SLC2A2: variants seen among roughly 807,000 people sequenced by gnomAD.
The protein encoded by SLC2A2 is solute carrier family 2, facilitated glucose transporter member 2.
A neutral mutation model predicts 54.5 loss-of-function variants in SLC2A2; 36 were observed. The observed-to-expected ratio is 0.66, with a 90% CI of 0.51 to 0.87. The LOEUF is 0.87. Among genes scored for constraint, SLC2A2 ranks in the 40% least tolerant of loss-of-function variants. The probability of loss-of-function intolerance (pLI) is 0.00; values close to 1 mark genes in which losing one functional copy is unlikely to be tolerated. For missense variants in SLC2A2, 543 were observed against 624.3 expected, an observed-to-expected ratio of 0.87 and a Z score of 1.39; for synonymous variants, 223 against 219.1, an observed-to-expected ratio of 1.02 and a Z score of -0.16.
chr3:171,001,041 A>G (rs763442098), intron 8 of SLC2A2, among the ~76,000 whole-genome samples: 1 of 152,098 alleles, frequency 6.6e-6, no homozygotes. Context: ...AAACTTAAAC[A>G]GAATCAAAGG....
At chr3:171,021,040 A>G (rs772818167) in intron 1 of SLC2A2, among the ~76,000 whole-genome samples, 3 of 152,072 alleles carry the variant, frequency 2.0e-5, no homozygotes, top group Non-Finnish European at 4.4e-5. Flanking sequence ...TACACACACT[A>G]TATGATATAT....
chr3:171,003,240 T>C (rs1470642777), intron 7 of SLC2A2, among the ~76,000 whole-genome samples: 1 of 152,006 alleles, frequency 6.6e-6, no homozygotes, highest in East Asian at 1.9e-4. Flanking sequence ...GTGAGAATCA[T>C]CCTTATTGTG....
intron 4 of SLC2A2, 34 bp downstream of exon 4, chr3:171,009,924 T>TGTGC (rs1442588998): frequency 6.5e-6 from 10 of 1,544,250 alleles, no homozygotes; most frequent in Non-Finnish European, 8.8e-6. Context: ...TGTGTGTGTG[T>TGTGC]GTGTGTGTGT....
At chr3:171,010,338 GAGACAGGGTCTC>G (rs1715826527) in intron 3 of SLC2A2, among the ~76,000 whole-genome samples, 1 of 151,936 alleles carries the variant, frequency 6.6e-6, no homozygotes, top group Non-Finnish European at 1.5e-5. Context: ...ATTTTATTTT[GAGACAGGGTCTC>G]ACTCGCTCTG....
At chr3:170,999,934 T>A (rs1185577383) in intron 8 of SLC2A2, among the ~76,000 whole-genome samples, 1 of 152,006 alleles carries the variant, frequency 6.6e-6, no homozygotes, top group African/African-American at 2.4e-5. Flanking sequence ...AAGACCAGAG[T>A]TTGTTATACT....
intron 1 of SLC2A2, among the ~76,000 whole-genome samples, chr3:171,020,784 T>G (rs980855430): frequency 3.3e-5 from 5 of 152,008 alleles, no homozygotes; most frequent in South Asian, 2.1e-4. Flanking sequence ...CTCAGGAGGC[T>G]GAGGTGGGAG....
intron 3 of SLC2A2, among the ~76,000 whole-genome samples, 178 bp downstream of exon 3, chr3:171,014,291 G>C (rs1196310130): frequency 6.6e-6 from 1 of 152,158 alleles, no homozygotes; most frequent in Non-Finnish European, 1.5e-5. Flanking sequence ...TAACCAAACT[G>C]TCGCAACAGC....
Position 171,005,492 on chromosome 3 carries a change from G to T in SLC2A2, c.776-20C>A. 1 of 1,602,424 alleles carries T rather than the reference G, an allele frequency of 6.2e-7. No homozygotes were observed. Among genetic ancestry groups the T allele is most frequent in the South Asian group, 1.1e-5 (1 of 90,806 alleles). ...TCAAGCCTGTCCAAGAAAATGATCA[G>T]GTTGAAACAACTCAGGCCAAAACAA... On this transcript the variant is annotated intron_variant, in intron 6 of 10. Coordinates refer to ENST00000314251, the MANE Select transcript of SLC2A2 (RefSeq NM_000340.2).
intron 8 of SLC2A2, among the ~76,000 whole-genome samples, chr3:170,999,958 T>G (rs1715270494): frequency 6.6e-6 from 1 of 152,038 alleles, no homozygotes; most frequent in Non-Finnish European, 1.5e-5. Context: ...GCCTGATCCT[T>G]GGAATATTAC....
In SLC2A2 at chr3:171,005,382, A is replaced by C. The variant is rs780873643; in HGVS notation, c.866T>G (p.Val289Gly). ...EREEASSEQK[V>G]SIIQLFTNSS... ...ATTGGTGAAGAGCTGAATTATAGAG[A>C]CTTTCTGCTCACTCGATGCTTCTTC... The change falls in exon 7 of 11, where the codon GTC becomes GGC. Residue 289 changes from valine (V) to glycine (G), a missense_variant. Around this residue, in one of 3 missense-constraint regions of SLC2A2, gnomAD observed 318 missense variants for 343.8 expected, o/e 0.93. Transcript: ENST00000314251. 37 of 1,612,182 alleles carry C rather than the reference A, an allele frequency of 2.3e-5. No homozygotes were observed. Among genetic ancestry groups the C allele is most frequent in the Non-Finnish European group, 2.9e-5 (34 of 1,178,746 alleles).
intron 1 of SLC2A2, among the ~76,000 whole-genome samples, chr3:171,022,641 T>A (rs1488485422): frequency 6.6e-6 from 1 of 152,220 alleles, no homozygotes; most frequent in Non-Finnish European, 1.5e-5. Flanking sequence ...GGTTTATTAG[T>A]GACTGTCACC....
At position 171,007,167 on chromosome 3, in the gene SLC2A2, G is replaced by C. The variant is rs149460434; in HGVS notation, c.593C>G (p.Thr198Arg). 6.2e-7 allele frequency: 1 copy of C among 1,610,982 alleles called. No homozygotes were observed. Among genetic ancestry groups the C allele is most frequent in the Non-Finnish European group, 8.5e-7 (1 of 1,177,588 alleles). The change falls in exon 5 of 11, where the codon ACG becomes AGG. Residue 198 changes from threonine (T) to arginine (R), a missense_variant. Physicochemically the swap from Thr to Arg is moderately conservative, Grantham distance 71. This residue lies in a region of SLC2A2 where 318 missense variants were observed against 343.8 expected (regional missense o/e 0.93). Transcript: ENST00000314251. ...LGTFHQLAIV[T>R]GILISQIIGL... ...TTTTACCTGACTAATAAGAATGCCC[G>C]TGACGATGGCCAGCTGATGAAAAGT...
At chr3:171,015,222 A>G (rs766565904) in intron 2 of SLC2A2, among the ~76,000 whole-genome samples, 10 of 152,116 alleles carry the variant, frequency 6.6e-5, no homozygotes, top group African/African-American at 1.9e-4. Flanking sequence ...TAATCTCAGC[A>G]CTTTGGGAGG....
At chr3:171,004,137 A>T (rs889210354) in intron 7 of SLC2A2, among the ~76,000 whole-genome samples, 1 of 152,016 alleles carries the variant, frequency 6.6e-6, no homozygotes, top group Non-Finnish European at 1.5e-5. Flanking sequence ...TGTTCAGTGC[A>T]TAGAGGCCTA....
At chr3:171,022,242 T>A (rs1197009666) in intron 1 of SLC2A2, among the ~76,000 whole-genome samples, 2 of 152,222 alleles carry the variant, frequency 1.3e-5, no homozygotes, top group Non-Finnish European at 2.9e-5. Flanking sequence ...TTCTTGGTTA[T>A]TTTGCATCCC....
intron 7 of SLC2A2, 67 bp from the exon 8 acceptor site, chr3:171,002,747 A>G (rs941889388): frequency 1.1e-6 from 1 of 876,672 alleles, no homozygotes; most frequent in Admixed American, 2.0e-5. Flanking sequence ...AAAGCAAGAA[A>G]TATTTTAGAT....
intron 1 of SLC2A2, among the ~76,000 whole-genome samples, chr3:171,019,694 A>G (rs1716362607): frequency 6.6e-6 from 1 of 152,238 alleles, no homozygotes; most frequent in Admixed American, 6.5e-5. Context: ...TATGCTATGC[A>G]GCAGTTAAAA....
intron 8 of SLC2A2, among the ~76,000 whole-genome samples, chr3:170,999,665 A>T (rs556570894): frequency 1.3e-5 from 2 of 152,174 alleles, no homozygotes; most frequent in Non-Finnish European, 2.9e-5. Flanking sequence ...ATTCTCATCC[A>T]ATTTTCTCAC....
At chr3:171,017,209 T>A (rs1210883162) in intron 2 of SLC2A2, among the ~76,000 whole-genome samples, 1 of 152,118 alleles carries the variant, frequency 6.6e-6, no homozygotes, top group Admixed American at 6.6e-5. Flanking sequence ...AGGGGCTCTA[T>A]TAATCAAGTC....
Sources: gnomAD v4.1 joint callset for allele counts (sites outside exome capture counted in the v4.1 genomes callset) on GRCh38, gnomAD v4.1.1 for gene constraint, gnomAD v4.1.1 regional missense constraint, MANE v1.5 for transcripts, NCBI Gene and HGNC (gene_info 2026-07-23, HGNC 2026-07-21) for gene names.